Variants in COL16A1 observed in about 807,000 individuals in gnomAD.
COL16A1 encodes the protein collagen type XVI alpha 1 chain.
A neutral mutation model predicts 266.3 loss-of-function variants in COL16A1; 189 were observed. That is an observed-to-expected ratio of 0.71 (90% CI 0.63 to 0.80). COL16A1 has a LOEUF of 0.80. Among genes scored for constraint, COL16A1 ranks in the 30% least tolerant of loss-of-function variants. The pLI, the probability that COL16A1 is intolerant of heterozygous loss-of-function variation, is 0.00. For synonymous variants in COL16A1, 740 were observed against 782.3 expected (o/e 0.95, Z 0.90); for missense variants, 1,928 against 2,122.4 (o/e 0.91, Z 1.80).
At chr1:31,702,032 C>T (rs746310390) in intron 2 of COL16A1, 89 bp downstream of exon 2, 39 of 1,595,476 alleles carry the variant, frequency 2.4e-5, no homozygotes, top group Non-Finnish European at 3.3e-5. Context: ...CACGACCACA[C>T]ATACATGGTC....
Position 31,698,285 on chromosome 1 carries a change from A to G in COL16A1, c.391-113T>C. On this transcript the variant is annotated intron_variant, in intron 5 of 70. Coordinates refer to ENST00000373672, the MANE Select transcript of COL16A1 (RefSeq NM_001856.4). The surrounding 1 kb of genome is among the most constrained non-coding windows in gnomAD (Gnocchi z 4.1). ...ACAGGAGGGGAACTGAGGCCCAGAA[A>G]GAGAAGAAAGCCGGCTGGGGTCAAG... The G allele has an allele frequency of 6.5e-7, 1 of 1,545,446 alleles. No homozygotes were observed. Among genetic ancestry groups the G allele is most frequent in the Non-Finnish European group, 8.7e-7 (1 of 1,149,980 alleles).
chr1:31,676,997 C>T (rs1167882487), intron 42 of COL16A1, among the ~76,000 whole-genome samples: 1 of 152,230 alleles, frequency 6.6e-6, no homozygotes, highest in Admixed American at 6.5e-5. Context: ...CCATCCAGGC[C>T]CCCTGGCACC....
intron 42 of COL16A1, 96 bp downstream of exon 42, chr1:31,679,536 G>T: frequency 3.1e-6 from 5 of 1,613,988 alleles, no homozygotes; most frequent in Non-Finnish European, 4.2e-6. Context: ...GTGTTTTTGG[G>T]GTGGGGGAGC....
rs1433325512 is a variant in COL16A1, at chr1:31,664,374, T to C, written c.3555+798A>G. ...GGTGTCAGTTTCCTCACCTGCACAG[T>C]GAGACGTTCATGCGTGTGCTCTCAG... On this transcript the variant is annotated intron_variant, in intron 56 of 70. Transcript: ENST00000373672. This position sits in a 1 kb window ranked among gnomAD's most constrained non-coding sequence, Gnocchi z 5.5. Among the ~76,000 whole-genome samples, 1 of 152,042 alleles carries C rather than the reference T, an allele frequency of 6.6e-6. No homozygotes were observed. The highest frequency in any genetic ancestry group is 1.5e-5 in the Non-Finnish European group (1 of 67,982).
intron 55 of COL16A1, 30 bp downstream of exon 55, chr1:31,665,553 C>T (rs1372677448): frequency 1.2e-6 from 2 of 1,614,146 alleles, no homozygotes; most frequent in Admixed American, 3.3e-5. Flanking sequence ...CCACATCAGA[C>T]AGAGCTGGCT....
At chr1:31,679,307 G>C in intron 42 of COL16A1, 1 of 1,130,510 alleles carries the variant, frequency 8.8e-7, no homozygotes, top group Non-Finnish European at 1.2e-6. Context: ...AACACATGTT[G>C]CATGAATGAG....
At chr1:31,671,465 C>A in intron 48 of COL16A1, 150 bp downstream of exon 48, 1 of 943,104 alleles carries the variant, frequency 1.1e-6, no homozygotes, top group Non-Finnish European at 1.6e-6. Context: ...ACAGTCCCTG[C>A]AGATGCTCTG....
rs896087606 is a variant in COL16A1 at position 31,695,800 on chromosome 1, T to G, written c.919-13A>C. ...TCTCCTGATGGACCTGAGGAAAGGG[T>G]GGGGGGTGTGGGAATGGGCAGGGAG... is the stretch of plus-strand genomic sequence containing the variant. On this transcript the variant is annotated splice_polypyrimidine_tract_variant and intron_variant, in intron 9 of 70. Transcript: ENST00000373672. 3.1e-6 allele frequency: 5 copies of G among 1,588,374 alleles called. No individual in the cohort carries two copies. The highest frequency in any genetic ancestry group is 4.3e-6 in the Non-Finnish European group (5 of 1,157,340).
rs1314933586 is a variant in COL16A1 at position 31,679,817 on chromosome 1, T to C, written c.2705A>G (p.Gln902Arg). ...APGLWMGSSWQPGPQGPPGIP... is the reference protein window; with the variant it reads ...APGLWMGSSWRPGPQGPPGIP... ...CAAGCGACACACCTGCGGGCCCGGC[T>C]GCCAGGAGCTGCCCATCCAAAGTCC... The change falls in exon 41 of 71, where the codon CAG becomes CGG. Residue 902 changes from glutamine (Q) to arginine (R), a missense_variant. By Grantham distance (43) the Gln-to-Arg change is conservative. Transcript: ENST00000373672. 1 of 1,544,766 alleles carries C rather than the reference T, an allele frequency of 6.5e-7. No individual in the cohort carries two copies.
intron 1 of COL16A1, among the ~76,000 whole-genome samples, chr1:31,703,194 G>C (rs1029680106): frequency 6.6e-6 from 1 of 152,208 alleles, no homozygotes; most frequent in Non-Finnish European, 1.5e-5. Flanking sequence ...CATGCGCACA[G>C]CCAGCCTATG....
At chr1:31,681,618 G>A (rs1643647482) in intron 37 of COL16A1, among the ~76,000 whole-genome samples, 1 of 152,250 alleles carries the variant, frequency 6.6e-6, no homozygotes, top group Admixed American at 6.5e-5. Flanking sequence ...AAGCCTGCTG[G>A]ATGGAATTCA....
Position 31,691,516 on chromosome 1 carries a change from G to A in COL16A1, c.1303-4C>T, listed in dbSNP as rs1377091994. ...GCCCAACAAAGCCAGGGTCTCCCTG[G>A]CACAGACATAAGGTGGGCATCAGAG... On this transcript the variant is annotated splice_polypyrimidine_tract_variant and splice_region_variant and intron_variant, in intron 18 of 70. Coordinates refer to ENST00000373672, the MANE Select transcript of COL16A1 (RefSeq NM_001856.4). 6.2e-7 allele frequency: 1 copy of A among 1,613,902 alleles called. No individual in the cohort carries two copies. Among genetic ancestry groups the A allele is most frequent in the East Asian group, 2.2e-5 (1 of 44,866 alleles).
At position 31,668,413 on chromosome 1, in the gene COL16A1, G is replaced by T. The variant is rs1422814746; in HGVS notation, c.3250-195C>A. Among the ~76,000 whole-genome samples, 1 of 152,150 alleles carries T rather than the reference G, an allele frequency of 6.6e-6. No individual in the cohort carries two copies. The highest frequency in any genetic ancestry group is 1.5e-5 in the Non-Finnish European group (1 of 68,018). ...GTGACCACCACCACAGACCTGGGCT[G>T]GGGAGGCGAACCCCAGCCTGGCCCA... is the stretch of plus-strand genomic sequence containing the variant. On this transcript the variant is annotated intron_variant, in intron 50 of 70. Coordinates refer to ENST00000373672, the MANE Select transcript of COL16A1 (RefSeq NM_001856.4). This position sits in a 1 kb window ranked among gnomAD's most constrained non-coding sequence, Gnocchi z 5.8.
intron 42 of COL16A1, among the ~76,000 whole-genome samples, chr1:31,677,901 A>T (rs1383598298): frequency 3.3e-5 from 5 of 152,204 alleles, no homozygotes; most frequent in African/African-American, 9.7e-5. Flanking sequence ...CAGGGTTTAC[A>T]CTACATCAGC....
chr1:31,698,702 T>C lies in COL16A1; in HGVS notation c.267-96A>G, dbSNP rs575970295. ...AGGACTGCTGAGCCTACCCAAGACA[T>C]CCACAGGCACACATCTTCCATCATA... On this transcript the variant is annotated intron_variant, in intron 4 of 70. Transcript: ENST00000373672. The surrounding 1 kb of genome is among the most constrained non-coding windows in gnomAD (Gnocchi z 4.1). 6.5e-7 allele frequency: 1 copy of C among 1,539,420 alleles called. No individual in the cohort carries two copies. Among genetic ancestry groups the C allele is most frequent in the Non-Finnish European group, 8.7e-7 (1 of 1,145,978 alleles).
chr1:31,666,491 C>A, intron 52 of COL16A1: 1 of 252,356 alleles, frequency 4.0e-6, no homozygotes. Flanking sequence ...CTCTCCTTCT[C>A]ATCTTCCGCC....
chr1:31,686,746 A>G (rs72887330), intron 26 of COL16A1, among the ~76,000 whole-genome samples: 10,320 of 152,294 alleles, frequency 0.068, 1,125 homozygotes, highest in African/African-American at 0.23. Flanking sequence ...GTGGTCAGAG[A>G]GGTGTTAACC....
chr1:31,679,911 G>T, intron 40 of COL16A1, 60 bp from the exon 41 acceptor site: 2 of 1,528,970 alleles, frequency 1.3e-6, no homozygotes, highest in Non-Finnish European at 1.8e-6. Flanking sequence ...TCTACACCAA[G>T]CGCGGGGCTG....
rs1355858623 is a variant in COL16A1 at position 31,653,908 on chromosome 1, T to G, written c.4493A>C (p.Gln1498Pro). The change falls in exon 69 of 71, where the codon CAG becomes CCG. Residue 1498 changes from glutamine (Q) to proline (P), a missense_variant. Transcript: ENST00000373672. ...GCCCTGCCGTCCTTCTCTGCCAATC[T>G]GACCAGGGAGCCCAGGTGACCCTGG... ...GAPGSPGLPG[Q>P]IGREGRQGLP... 3 of 1,613,716 alleles carry G rather than the reference T, an allele frequency of 1.9e-6. No homozygotes were observed. The Admixed American group carries it at 5.0e-5, about 27-fold the overall frequency.
Sources: allele counts gnomAD v4.1 joint callset (sites outside exome capture counted in the v4.1 genomes callset), GRCh38; gene constraint gnomAD v4.1.1; non-coding constraint Gnocchi (gnomAD v3.1); transcripts MANE v1.5; gene names NCBI Gene and HGNC (gene_info 2026-07-23, HGNC 2026-07-21).